Variants in PDE1C observed in about 807,000 individuals in gnomAD.
PDE1C encodes dual specificity calcium/calmodulin-dependent 3',5'-cyclic nucleotide phosphodiesterase 1C.
PDE1C carries 62 observed loss-of-function variants against 93.1 expected under a neutral mutation model. The ratio of observed to expected loss-of-function variants is 0.67; its 90% CI spans 0.54 to 0.82. The LOEUF (loss-of-function observed/expected upper bound fraction) is 0.82. Among genes scored for constraint, PDE1C ranks in the 40% least tolerant of loss-of-function variants. PDE1C has a pLI of 0.00. For synonymous variants in PDE1C, 325 were observed against 310.1 expected, an observed-to-expected ratio of 1.05 and a Z score of -0.50; for missense variants, 742 against 884.6, an observed-to-expected ratio of 0.84 and a Z score of 2.04.
At chr7:31,907,045 G>A (rs968464135) in intron 2 of PDE1C, among the ~76,000 whole-genome samples, 3 of 148,368 alleles carry the variant, frequency 2.0e-5, no homozygotes, top group Non-Finnish European at 4.5e-5. Context: ...ACTTGAGAAT[G>A]AGCCAACCAT....
At chr7:31,871,258 CAAAACTAT>C (rs1435715838) in intron 6 of PDE1C, among the ~76,000 whole-genome samples, 15 of 151,788 alleles carry the variant, frequency 9.9e-5, no homozygotes, top group African/African-American at 3.6e-4. Flanking sequence ...ACATAATACT[CAAAACTAT>C]AAAACTACAA....
intron 2 of PDE1C, among the ~76,000 whole-genome samples, chr7:31,890,550 C>G (rs901981462): frequency 3.3e-5 from 5 of 152,144 alleles, no homozygotes; most frequent in Non-Finnish European, 7.3e-5. Context: ...GTTCCTCATT[C>G]AACCTCAATT....
chr7:31,695,846 A>C, the PDE1C span: 1 of 356,356 alleles, frequency 2.8e-6, no homozygotes, highest in Non-Finnish European at 4.9e-6. Flanking sequence ...TTACCTACCA[A>C]TAGTGAAACC....
At chr7:32,145,720 T>G in intron 3 of PDE1C, among the ~76,000 whole-genome samples, 1 of 152,170 alleles carries the variant, frequency 6.6e-6, no homozygotes, top group East Asian at 1.9e-4. Context: ...CACTTTCATC[T>G]ACCTCTATTT....
At chr7:32,250,531 G>A (rs1287565630) in intron 1 of PDE1C, among the ~76,000 whole-genome samples, 1 of 152,192 alleles carries the variant, frequency 6.6e-6, no homozygotes, top group Non-Finnish European at 1.5e-5. Context: ...AAACCCTGCT[G>A]TCGGCTCTAA....
chr7:31,696,889 T>TA, the PDE1C span: 1 of 1,489,732 alleles, frequency 6.7e-7, no homozygotes, highest in East Asian at 2.3e-5. Flanking sequence ...CAGATGTCTA[T>TA]AAATATGCAC....
chr7:31,643,246 T>C, the PDE1C span: 2 of 1,613,848 alleles, frequency 1.2e-6, no homozygotes, highest in South Asian at 2.2e-5. Context: ...CAGTGGATTC[T>C]GTCCTCACAC....
chr7:31,701,019 A>G, the PDE1C span, among the ~76,000 whole-genome samples: 1 of 152,204 alleles, frequency 6.6e-6, no homozygotes, highest in African/African-American at 2.4e-5. Flanking sequence ...CTAATGTAGC[A>G]TCTATTCTGG....
At chr7:32,369,239 C>G (rs215710) in intron 1 of PDE1C, among the ~76,000 whole-genome samples, 1 of 152,102 alleles carries the variant, frequency 6.6e-6, no homozygotes, top group Non-Finnish European at 1.5e-5. Flanking sequence ...TGCAAACTAC[C>G]CATCCATCCA....
At chr7:32,358,899 G>C (rs73092187) in intron 1 of PDE1C, among the ~76,000 whole-genome samples, 1 of 92,530 alleles carries the variant, frequency 1.1e-5, no homozygotes, top group African/African-American at 3.4e-5. Flanking sequence ...GTGTGTGTCT[G>C]TGTGTGTGTG....
At chr7:31,681,166 T>A in the PDE1C span, among the ~76,000 whole-genome samples, 1 of 152,200 alleles carries the variant, frequency 6.6e-6, no homozygotes, top group South Asian at 2.1e-4. Flanking sequence ...TTGTTCTTTT[T>A]GAGAGGGGTA....
intron 3 of PDE1C, among the ~76,000 whole-genome samples, chr7:32,151,534 T>G (rs1345283022): frequency 2.0e-5 from 3 of 152,144 alleles, no homozygotes; most frequent in Non-Finnish European, 4.4e-5. Context: ...TCATGGTATA[T>G]CCATACAACA....
intron 2 of PDE1C, among the ~76,000 whole-genome samples, chr7:32,008,380 C>T (rs1241835573): frequency 2.6e-5 from 4 of 152,164 alleles, no homozygotes; most frequent in Admixed American, 6.6e-5. Context: ...AGGTTAGGCA[C>T]GTTCCATTAA....
intron 2 of PDE1C, among the ~76,000 whole-genome samples, chr7:32,205,947 AC>A (rs1562577365): frequency 1.3e-5 from 2 of 152,220 alleles, no homozygotes; most frequent in Non-Finnish European, 2.9e-5. Flanking sequence ...AAGAACTGTA[AC>A]ACTCACCAGG....
chr7:31,817,423 C>A (rs1289887360), intron 14 of PDE1C, among the ~76,000 whole-genome samples: 3 of 152,048 alleles, frequency 2.0e-5, no homozygotes, highest in Admixed American at 1.3e-4. Flanking sequence ...GTCAAATGAC[C>A]AAGGACAAGC....
chr7:32,231,219 A>T (rs898171012), intron 1 of PDE1C, among the ~76,000 whole-genome samples: 10 of 152,192 alleles, frequency 6.6e-5, no homozygotes, highest in African/African-American at 2.2e-4. Context: ...ACCATACAAC[A>T]GAGAGTTCAC....
chr7:31,818,894 T>C (rs1308366428), intron 14 of PDE1C, among the ~76,000 whole-genome samples: 1 of 152,138 alleles, frequency 6.6e-6, no homozygotes, highest in Non-Finnish European at 1.5e-5. Flanking sequence ...TAAGAGAGTA[T>C]AAAATATTAT....
At chr7:31,651,765 TTG>T in the PDE1C span, among the ~76,000 whole-genome samples, 12 of 133,312 alleles carry the variant, frequency 9.0e-5, no homozygotes, top group East Asian at 2.9e-4. Flanking sequence ...TGCAATAAAG[TTG>T]TTTTTTTTTT....
chr7:32,358,069 A>T (rs561207340), intron 1 of PDE1C, among the ~76,000 whole-genome samples: 1 of 152,318 alleles, frequency 6.6e-6, no homozygotes. Flanking sequence ...TCCTAAGAGA[A>T]AGTGCCCGGC....
Sources: gnomAD v4.1 joint callset for allele counts (sites outside exome capture counted in the v4.1 genomes callset) on GRCh38, gnomAD v4.1.1 for gene constraint, MANE v1.5 for transcripts, NCBI Gene and HGNC (gene_info 2026-07-23, HGNC 2026-07-21) for gene names.